Variants in THRB observed in about 807,000 individuals in gnomAD.
The protein encoded by THRB is thyroid hormone receptor beta.
In THRB, 12 loss-of-function variants were observed where a neutral mutation model predicts 47.8. The ratio of observed to expected loss-of-function variants is 0.25; its 90% confidence interval spans 0.16 to 0.41. The LOEUF is 0.41. Ranked by LOEUF, THRB falls within the 10% of genes least tolerant of loss-of-function variation. The probability of loss-of-function intolerance (pLI) is 1.00; values close to 1 mark genes in which losing one functional copy is unlikely to be tolerated. For missense variants in THRB, 348 were observed against 589.2 expected, an observed-to-expected ratio of 0.59 and a Z score of 4.24; for synonymous variants, 218 against 212.2, an observed-to-expected ratio of 1.03 and a Z score of -0.24.
At chr3:24,419,421 T>C (rs2069039652) in intron 1 of THRB, among the ~76,000 whole-genome samples, 2 of 151,846 alleles carry the variant, frequency 1.3e-5, no homozygotes, top group Admixed American at 1.3e-4. Context: ...TCTCTCCAGA[T>C]GGAAAGCCAA....
intron 3 of THRB, among the ~76,000 whole-genome samples, chr3:24,237,060 A>G (rs972638413): frequency 2.0e-5 from 3 of 152,232 alleles, no homozygotes; most frequent in African/African-American, 7.2e-5. Flanking sequence ...AAGCTAGCGT[A>G]GTTAGACTGG....
At chr3:24,289,315 GACAA>G (rs1200539235) in intron 3 of THRB, among the ~76,000 whole-genome samples, 1 of 152,196 alleles carries the variant, frequency 6.6e-6, no homozygotes, top group Non-Finnish European at 1.5e-5. Flanking sequence ...GTTTAGTAAA[GACAA>G]ACACAAGTTC....
intron 1 of THRB, among the ~76,000 whole-genome samples, chr3:24,466,965 T>C (rs1408660190): frequency 6.6e-6 from 1 of 152,240 alleles, no homozygotes; most frequent in African/African-American, 2.4e-5. Context: ...TGTTTCTCTG[T>C]AGTGTATGAT....
chr3:24,477,701 C>A (rs371758525), intron 1 of THRB, among the ~76,000 whole-genome samples: 1 of 151,932 alleles, frequency 6.6e-6, no homozygotes, highest in African/African-American at 2.4e-5. Context: ...ACGCAGGATA[C>A]GTACAGCACA....
chr3:24,167,693 T>G (rs1359542388), intron 5 of THRB, among the ~76,000 whole-genome samples: 1 of 152,202 alleles, frequency 6.6e-6, no homozygotes, highest in Non-Finnish European at 1.5e-5. Flanking sequence ...CATTCGATTT[T>G]GCAGTTTTGC....
intron 3 of THRB, among the ~76,000 whole-genome samples, chr3:24,276,248 T>A (rs1461990822): frequency 6.6e-6 from 1 of 152,216 alleles, no homozygotes; most frequent in Non-Finnish European, 1.5e-5. Context: ...ATTGTACAAT[T>A]GGTTGACGTA....
At chr3:24,209,369 A>G (rs2045763312) in intron 4 of THRB, among the ~76,000 whole-genome samples, 2 of 152,230 alleles carry the variant, frequency 1.3e-5, no homozygotes, top group Admixed American at 1.3e-4. Flanking sequence ...ATAAAGACAC[A>G]TGCACACGTA....
chr3:24,376,903 A>G lies in THRB; in HGVS notation c.-260-39532T>C, dbSNP rs2065335220. Among the ~76,000 whole-genome samples, 3 of 152,114 alleles carry G rather than the reference A, an allele frequency of 2.0e-5. No homozygotes were observed. The South Asian group carries it at 6.2e-4, about 31-fold the overall frequency. ...GATCTGGCTGACATCTAAAGTGAAT[A>G]GCTGCTGTTTCTGCCTGCCCAAAAT... On this transcript the variant is annotated intron_variant, in intron 1 of 10. Transcript: ENST00000646209.
intron 1 of THRB, among the ~76,000 whole-genome samples, chr3:24,460,691 G>C (rs1052534141): frequency 3.3e-5 from 5 of 152,134 alleles, no homozygotes; most frequent in Non-Finnish European, 7.4e-5. Flanking sequence ...AAAACTTTTA[G>C]AGGATTCATC....
intron 1 of THRB, among the ~76,000 whole-genome samples, chr3:24,416,622 G>A (rs190007044): frequency 6.6e-6 from 1 of 151,932 alleles, no homozygotes; most frequent in African/African-American, 2.4e-5. Flanking sequence ...CTATTCCTCT[G>A]CTCCAATTCT....
chr3:24,406,904 G>A (rs930451312), intron 1 of THRB, among the ~76,000 whole-genome samples: 1 of 151,854 alleles, frequency 6.6e-6, no homozygotes, highest in African/African-American at 2.4e-5. Context: ...AGGTGAATAT[G>A]TAAAAGAATA....
intron 1 of THRB, among the ~76,000 whole-genome samples, chr3:24,361,956 GAGTC>G (rs1396640733): frequency 6.6e-6 from 1 of 152,076 alleles, no homozygotes; most frequent in Non-Finnish European, 1.5e-5. Context: ...GAATAAAAGA[GAGTC>G]AGTATCAATA....
intron 4 of THRB, among the ~76,000 whole-genome samples, chr3:24,202,611 C>A (rs1307528414): frequency 6.6e-6 from 1 of 152,172 alleles, no homozygotes; most frequent in African/African-American, 2.4e-5. Context: ...GGTTAAAAAG[C>A]TGCCAAATCA....
intron 1 of THRB, among the ~76,000 whole-genome samples, chr3:24,342,234 G>C (rs1291096598): frequency 6.6e-6 from 1 of 151,320 alleles, no homozygotes; most frequent in Admixed American, 6.6e-5. Context: ...AACACCAGCT[G>C]TATCAATCAG....
At chr3:24,179,961 C>G (rs1442193302) in intron 5 of THRB, among the ~76,000 whole-genome samples, 1 of 152,030 alleles carries the variant, frequency 6.6e-6, no homozygotes, top group Admixed American at 6.6e-5. Flanking sequence ...GAAAAGGTAA[C>G]AAGAAAGAAA....
At chr3:24,281,082 G>A (rs1158372518) in intron 3 of THRB, among the ~76,000 whole-genome samples, 1 of 152,048 alleles carries the variant, frequency 6.6e-6, no homozygotes, top group Non-Finnish European at 1.5e-5. Flanking sequence ...AGGAAATACA[G>A]AGAACGCCAC....
intron 3 of THRB, among the ~76,000 whole-genome samples, chr3:24,254,348 T>C (rs769265607): frequency 2.7e-5 from 4 of 149,528 alleles, no homozygotes; most frequent in African/African-American, 9.9e-5. Flanking sequence ...TGAGCCCAGA[T>C]TGTGGCACTC....
At chr3:24,273,534 A>G (rs2053571352) in intron 3 of THRB, among the ~76,000 whole-genome samples, 1 of 152,234 alleles carries the variant, frequency 6.6e-6, no homozygotes, top group African/African-American at 2.4e-5. Context: ...GCAATGATAT[A>G]TATGCACATA....
intron 1 of THRB, among the ~76,000 whole-genome samples, chr3:24,383,156 G>A (rs1048419356): frequency 1.3e-5 from 2 of 152,198 alleles, no homozygotes; most frequent in Admixed American, 6.5e-5. Context: ...TAAGCTCTAG[G>A]AAAGTTGGTA....
Sources: allele counts gnomAD v4.1 joint callset (sites outside exome capture counted in the v4.1 genomes callset), GRCh38; gene constraint gnomAD v4.1.1; transcripts MANE v1.5; gene names NCBI Gene and HGNC (gene_info 2026-07-23, HGNC 2026-07-21).